The following ZNF710 variants were observed in gnomAD, a reference collection of about 807,000 sequenced individuals.
The protein encoded by ZNF710 is zinc finger protein 710.
A neutral mutation model predicts 50.6 loss-of-function variants in ZNF710; 13 were observed. The observed-to-expected ratio is 0.26, with a 90% CI of 0.17 to 0.41. ZNF710 has a LOEUF of 0.41. Among genes scored for constraint, ZNF710 ranks in the 10% least tolerant of loss-of-function variants. The pLI is 1.00. For missense variants in ZNF710, 721 were observed against 936.6 expected, an observed-to-expected ratio of 0.77 and a Z score of 3.01; for synonymous variants, 383 against 397.0, an observed-to-expected ratio of 0.96 and a Z score of 0.42.
At chr15:90,017,061 G>C (rs1361215455) in intron 1 of ZNF710, among the ~76,000 whole-genome samples, 1 of 152,230 alleles carries the variant, frequency 6.6e-6, no homozygotes, top group East Asian at 1.9e-4. Context: ...GCTGCTGCCA[G>C]GTGCTGAGGG....
intron 1 of ZNF710, among the ~76,000 whole-genome samples, chr15:90,008,738 C>T (rs1041118979): frequency 5.3e-5 from 8 of 150,692 alleles, no homozygotes; most frequent in African/African-American, 2.0e-4. Flanking sequence ...CTATGATGGC[C>T]TCAGTGTACT....
At chr15:90,063,375 C>T (rs1262987050) in intron 1 of ZNF710, among the ~76,000 whole-genome samples, 1 of 152,088 alleles carries the variant, frequency 6.6e-6, no homozygotes, top group Non-Finnish European at 1.5e-5. Context: ...CCACCCCTGC[C>T]CCCCGGGTTG....
At chr15:90,064,897 C>G (rs1198769306) in intron 1 of ZNF710, among the ~76,000 whole-genome samples, 2 of 152,148 alleles carry the variant, frequency 1.3e-5, no homozygotes, top group Non-Finnish European at 2.9e-5. Context: ...GTTTTCATCC[C>G]CGTTTTTCAG....
At chr15:90,004,797 G>T (rs182756646) in intron 1 of ZNF710, among the ~76,000 whole-genome samples, 4 of 152,218 alleles carry the variant, frequency 2.6e-5, no homozygotes, top group Admixed American at 6.5e-5. Context: ...GAAACCGTGC[G>T]CTCACGCCGC....
intron 1 of ZNF710, among the ~76,000 whole-genome samples, chr15:90,055,322 C>A (rs1899777800): frequency 6.6e-6 from 1 of 151,990 alleles, no homozygotes; most frequent in South Asian, 2.1e-4. Flanking sequence ...GAAGAGCATT[C>A]CAGGTAGGGG....
At chr15:90,019,460 A>G (rs1369404890) in intron 1 of ZNF710, among the ~76,000 whole-genome samples, 1 of 152,196 alleles carries the variant, frequency 6.6e-6, no homozygotes, top group Non-Finnish European at 1.5e-5. Context: ...TGGGCCAAGG[A>G]CACATTCTAA....
Position 90,068,499 on chromosome 15 carries a change from G to T in ZNF710, c.1362G>T (p.Met454Ile). Residue 454 changes from methionine (M) to isoleucine (I), a missense_variant, in exon 2 of 5, where the codon ATG becomes ATT. Physicochemically the swap from Met to Ile is conservative, Grantham distance 10 (BLOSUM62 1). Around this residue, in one of 3 missense-constraint regions of ZNF710, gnomAD observed 326 missense variants for 522.0 expected, o/e 0.62. Transcript: ENST00000268154. This position sits in a 1 kb window ranked among gnomAD's most constrained non-coding sequence, Gnocchi z 5.0. ...FHYRSQLQNH[M>I]LKHQNVRPFV... ...ACCGCAGCCAGTTGCAGAACCACAT[G>T]CTCAAGCACCAGAACGTGCGACCCT... 6.2e-7 allele frequency: 1 copy of T among 1,613,888 alleles called. No individual in the cohort carries two copies. Among genetic ancestry groups the T allele is most frequent in the Non-Finnish European group, 8.5e-7 (1 of 1,180,048 alleles).
chr15:90,068,280 C>T lies in ZNF710; in HGVS notation c.1143C>T (p.Cys381=), dbSNP rs759224633. Reference sequence around the variant, plus strand: ...ACTCGGAGGTCAAGCCCTACAGCTGCCACTTCTGCGGCCGCGGCTTCGCCT... The same window carrying T: ...ACTCGGAGGTCAAGCCCTACAGCTGTCACTTCTGCGGCCGCGGCTTCGCCT... ...LLHSEVKPYS[C]HFCGRGFAYP... Residue 381 remains cysteine, a synonymous_variant, in exon 2 of 5, where the codon TGC becomes TGT. Coordinates refer to ENST00000268154, the MANE Select transcript of ZNF710 (RefSeq NM_198526.4). This position sits in a 1 kb window ranked among gnomAD's most constrained non-coding sequence, Gnocchi z 5.0. 59 of 1,613,138 alleles carry T rather than the reference C, an allele frequency of 3.7e-5. No homozygotes were observed. Among genetic ancestry groups the T allele is most frequent in the Non-Finnish European group, 4.7e-5 (55 of 1,180,016 alleles).
intron 1 of ZNF710, among the ~76,000 whole-genome samples, chr15:90,011,886 C>G (rs1038925867): frequency 6.6e-6 from 1 of 152,152 alleles, no homozygotes; most frequent in Non-Finnish European, 1.5e-5. Context: ...CGTCATTCCA[C>G]TGTCTTCAGG....
At chr15:90,065,535 A>C (rs1900141356) in intron 1 of ZNF710, among the ~76,000 whole-genome samples, 1 of 152,088 alleles carries the variant, frequency 6.6e-6, no homozygotes, top group East Asian at 1.9e-4. Context: ...GTGGACCTCG[A>C]GCCACGCCTC....
At chr15:90,036,886 A>G (rs867437814) in intron 1 of ZNF710, among the ~76,000 whole-genome samples, 2 of 152,182 alleles carry the variant, frequency 1.3e-5, no homozygotes, top group Non-Finnish European at 2.9e-5. Flanking sequence ...CCCAGTTCAC[A>G]TCGGGGAATT....
At chr15:90,026,335 G>A (rs1898780555) in intron 1 of ZNF710, among the ~76,000 whole-genome samples, 1 of 146,680 alleles carries the variant, frequency 6.8e-6, no homozygotes, top group Non-Finnish European at 1.5e-5. Context: ...TAAAATAATA[G>A]AAACGTATGC....
chr15:90,065,579 TTGGGAAAAGGCTGCCCCAGG>T (rs368534238), intron 1 of ZNF710, among the ~76,000 whole-genome samples: 1,704 of 150,280 alleles, frequency 0.011, 31 homozygotes, highest in African/African-American at 0.041. Flanking sequence ...GTCAGCAGGG[TTGGGAAAAGGCTGCCCCAGG>T]TGGGAAGACC....
intron 1 of ZNF710, among the ~76,000 whole-genome samples, chr15:90,057,192 A>C (rs1044583034): frequency 2.6e-5 from 4 of 151,926 alleles, no homozygotes; most frequent in African/African-American, 9.7e-5. Flanking sequence ...CTTTCAGGGG[A>C]TGGGGAGGGC....
At position 90,040,123 on chromosome 15, in the gene ZNF710, G is replaced by A. The variant is rs1899254259; in HGVS notation, c.-28-26987G>A. On this transcript the variant is annotated intron_variant, in intron 1 of 4. Transcript: ENST00000268154. The surrounding 1 kb of genome is among the most constrained non-coding windows in gnomAD (Gnocchi z 4.6). The stretch of plus-strand genomic sequence containing the variant: ...AGAGCCTGGGGGCACTTTGTGCATG[G>A]TGGCCATACTGCTGGATGACCATGC... Among the ~76,000 whole-genome samples the A allele has an allele frequency of 6.6e-6, 1 of 152,238 alleles. No homozygotes were observed. Among genetic ancestry groups the A allele is most frequent in the Admixed American group, 6.5e-5 (1 of 15,290 alleles).
At chr15:90,008,445 T>TATATATATACAC (rs1567218440) in intron 1 of ZNF710, among the ~76,000 whole-genome samples, 1 of 142,286 alleles carries the variant, frequency 7.0e-6, no homozygotes, top group African/African-American at 2.8e-5. Context: ...TATATACATA[T>TATATATATACAC]ATATATATGT....
chr15:90,029,467 C>CT (rs1898869099), intron 1 of ZNF710, among the ~76,000 whole-genome samples: 2 of 152,150 alleles, frequency 1.3e-5, no homozygotes, highest in Admixed American at 6.5e-5. Context: ...CATTCTGGGA[C>CT]TTTCAAACTT....
rs545937829 is a variant in ZNF710 at position 90,050,050 on chromosome 15, C to T, written c.-28-17060C>T. Among the ~76,000 whole-genome samples the T allele has an allele frequency of 9.2e-5, 14 of 152,316 alleles. 1 individual carries two copies. Among genetic ancestry groups the T allele is most frequent in the African/African-American group, 2.4e-4 (10 of 41,568 alleles). On this transcript the variant is annotated intron_variant, in intron 1 of 4. Coordinates refer to ENST00000268154, the MANE Select transcript of ZNF710 (RefSeq NM_198526.4). ...TGCCTCTGATGATAGCCTGTGTGGA[C>T]GGCCGCATGTGTCTGATGTCTGCGT...
intron 1 of ZNF710, among the ~76,000 whole-genome samples, chr15:90,002,307 C>G (rs1015833844): frequency 6.7e-6 from 1 of 148,558 alleles, no homozygotes; most frequent in African/African-American, 2.5e-5. Context: ...CGCTGGGCGC[C>G]GCGGGATCTC....
Sources: allele counts gnomAD v4.1 joint callset (sites outside exome capture counted in the v4.1 genomes callset), GRCh38; gene constraint gnomAD v4.1.1; regional missense constraint gnomAD v4.1.1; non-coding constraint Gnocchi (gnomAD v3.1); transcripts MANE v1.5; gene names NCBI Gene and HGNC (gene_info 2026-07-23, HGNC 2026-07-21).